The following SYNDIG1 variants were observed in gnomAD, a reference collection of about 807,000 sequenced individuals.
SYNDIG1 encodes the protein synapse differentiation-inducing gene protein 1.
SYNDIG1 carries 9 observed loss-of-function variants against 19.4 expected under a neutral mutation model. The observed-to-expected ratio is 0.46, with a 90% confidence interval of 0.28 to 0.81. SYNDIG1 has a LOEUF of 0.81. Ranked by LOEUF, SYNDIG1 falls within the 30% of genes least tolerant of loss-of-function variation. SYNDIG1 has a pLI of 0.12. For synonymous variants in SYNDIG1, 141 were observed against 145.9 expected, an observed-to-expected ratio of 0.97 and a Z score of 0.24; for missense variants, 311 against 343.3, an observed-to-expected ratio of 0.91 and a Z score of 0.74.
intron 3 of SYNDIG1, among the ~76,000 whole-genome samples, chr20:24,641,242 AC>A (rs1303446028): frequency 1.3e-5 from 2 of 152,218 alleles, no homozygotes; most frequent in Non-Finnish European, 2.9e-5. Context: ...AGGAGAACTT[AC>A]TATGAAATAC....
intron 1 of SYNDIG1, among the ~76,000 whole-genome samples, chr20:24,494,465 GAA>G (rs2056244314): frequency 6.6e-6 from 1 of 152,206 alleles, no homozygotes. Context: ...GGTGGGCACT[GAA>G]GTCACAGAGA....
chr20:24,603,334 A>G (rs1001789639), intron 3 of SYNDIG1, among the ~76,000 whole-genome samples: 2 of 152,176 alleles, frequency 1.3e-5, no homozygotes, highest in East Asian at 1.9e-4. Flanking sequence ...AGTGTCCCCA[A>G]CCCATGGGGA....
At chr20:24,521,013 T>C (rs2056990977) in intron 1 of SYNDIG1, among the ~76,000 whole-genome samples, 1 of 152,186 alleles carries the variant, frequency 6.6e-6, no homozygotes, top group African/African-American at 2.4e-5. Flanking sequence ...GCAGCTGTGT[T>C]CTGTCTGTGA....
chr20:24,528,966 CAGAG>C (rs1330944201), intron 1 of SYNDIG1, among the ~76,000 whole-genome samples: 3 of 152,104 alleles, frequency 2.0e-5, no homozygotes. Context: ...TGTGAAATCT[CAGAG>C]AGAGTGTGAG....
intron 3 of SYNDIG1, 53 bp downstream of exon 3, chr20:24,585,046 G>A: frequency 5.9e-6 from 8 of 1,360,188 alleles, no homozygotes; most frequent in Non-Finnish European, 8.1e-6. Context: ...ACAGGGTGGG[G>A]GTGGGGGCGG....
At chr20:24,632,965 T>A (rs1473596542) in intron 3 of SYNDIG1, among the ~76,000 whole-genome samples, 2 of 152,056 alleles carry the variant, frequency 1.3e-5, no homozygotes, top group Non-Finnish European at 2.9e-5. Flanking sequence ...TTTTTTTTTT[T>A]TCGTTTTGGT....
At chr20:24,636,842 G>A (rs995675981) in intron 3 of SYNDIG1, among the ~76,000 whole-genome samples, 6 of 152,136 alleles carry the variant, frequency 3.9e-5, no homozygotes, top group Admixed American at 2.0e-4. Context: ...TCTTACCCTC[G>A]CTATCTGCCT....
intron 1 of SYNDIG1, among the ~76,000 whole-genome samples, chr20:24,483,095 C>A (rs926060384): frequency 3.9e-5 from 6 of 152,226 alleles, no homozygotes; most frequent in Admixed American, 1.3e-4. Flanking sequence ...TTCGGCTACA[C>A]GTTCACATTC....
intron 2 of SYNDIG1, among the ~76,000 whole-genome samples, chr20:24,549,848 T>C (rs2057669681): frequency 1.3e-5 from 2 of 152,092 alleles, no homozygotes; most frequent in South Asian, 4.2e-4. Flanking sequence ...AGTGGGAAGG[T>C]GATCCTCCCC....
chr20:24,640,643 G>A (rs936827085), intron 3 of SYNDIG1, among the ~76,000 whole-genome samples: 2 of 152,084 alleles, frequency 1.3e-5, no homozygotes, highest in African/African-American at 4.8e-5. Context: ...GTTTTTCTAT[G>A]AAATTGACTG....
At chr20:24,519,400 C>G (rs1335442908) in intron 1 of SYNDIG1, among the ~76,000 whole-genome samples, 1 of 152,154 alleles carries the variant, frequency 6.6e-6, no homozygotes, top group Non-Finnish European at 1.5e-5. Context: ...TTAGTAAAAA[C>G]CAATGGCACA....
At chr20:24,628,963 G>A (rs1046186418) in intron 3 of SYNDIG1, among the ~76,000 whole-genome samples, 3 of 152,202 alleles carry the variant, frequency 2.0e-5, no homozygotes, top group Non-Finnish European at 4.4e-5. Flanking sequence ...ACCCTGAAAG[G>A]CAGGAAGATG....
At chr20:24,558,691 C>T (rs2057875789) in intron 2 of SYNDIG1, among the ~76,000 whole-genome samples, 1 of 152,114 alleles carries the variant, frequency 6.6e-6, no homozygotes, top group Non-Finnish European at 1.5e-5. Context: ...GATATTTTAA[C>T]TGTATTGTTA....
At chr20:24,573,606 C>T (rs988649593) in intron 2 of SYNDIG1, among the ~76,000 whole-genome samples, 3 of 152,258 alleles carry the variant, frequency 2.0e-5, no homozygotes, top group Non-Finnish European at 4.4e-5. Context: ...ACCTGAATCA[C>T]GTAGTGATCT....
In SYNDIG1 at chr20:24,587,661, C is replaced by T. The variant is rs1339292230; in HGVS notation, c.618+2668C>T. Among the ~76,000 whole-genome samples the T allele has an allele frequency of 7.2e-5, 11 of 152,326 alleles. No individual in the cohort carries two copies. In the East Asian group the frequency reaches 7.7e-4, roughly 11 times the overall value. On this transcript the variant is annotated intron_variant, in intron 3 of 3. Transcript: ENST00000376862. ...TCCTAAGCGAGGCCAGCTGGGAGTG[C>T]GAAGCCCAGGACTGGAGAGGGGGAA...
intron 1 of SYNDIG1, among the ~76,000 whole-genome samples, chr20:24,503,612 C>T (rs1336727340): frequency 6.6e-6 from 1 of 151,848 alleles, no homozygotes; most frequent in Non-Finnish European, 1.5e-5. Flanking sequence ...CCCAGCGCTC[C>T]AGTCCCTCTG....
chr20:24,623,527 A>T (rs1356213612), intron 3 of SYNDIG1, among the ~76,000 whole-genome samples: 2 of 152,360 alleles, frequency 1.3e-5, no homozygotes, highest in East Asian at 3.9e-4. Context: ...CTCATAATTT[A>T]TCTAAAAGAT....
At chr20:24,590,743 C>T (rs1456649410) in intron 3 of SYNDIG1, among the ~76,000 whole-genome samples, 4 of 152,140 alleles carry the variant, frequency 2.6e-5, no homozygotes, top group Admixed American at 2.6e-4. Context: ...CGTGGAGGCA[C>T]TGAACCATGG....
At chr20:24,487,365 T>C (rs2055997109) in intron 1 of SYNDIG1, among the ~76,000 whole-genome samples, 1 of 151,934 alleles carries the variant, frequency 6.6e-6, no homozygotes, top group Non-Finnish European at 1.5e-5. Flanking sequence ...TTTACTGAGG[T>C]GATGAGTGTT....
Sources: gnomAD v4.1 joint callset for allele counts (sites outside exome capture counted in the v4.1 genomes callset) on GRCh38, gnomAD v4.1.1 for gene constraint, MANE v1.5 for transcripts, NCBI Gene and HGNC (gene_info 2026-07-23, HGNC 2026-07-21) for gene names.